PIP5K1B: variants seen among roughly 807,000 people sequenced by gnomAD.
The protein encoded by PIP5K1B is phosphatidylinositol-4-phosphate 5-kinase type 1 beta.
Under a neutral mutation model 67.0 loss-of-function variants are expected in PIP5K1B, and 42 were observed. The ratio of observed to expected loss-of-function variants is 0.63; its 90% confidence interval spans 0.49 to 0.81. PIP5K1B has a LOEUF of 0.81. Among genes scored for constraint, PIP5K1B ranks in the 30% least tolerant of loss-of-function variants. The probability of loss-of-function intolerance (pLI) is 0.00; values close to 1 mark genes in which losing one functional copy is unlikely to be tolerated. For synonymous variants in PIP5K1B, 214 were observed against 231.4 expected (o/e 0.92, Z 0.68); for missense variants, 459 against 646.3 (o/e 0.71, Z 3.14).
rs36028796 is a variant in PIP5K1B, at chr9:68,767,593, TA to T, written c.-86+24956del. Among the ~76,000 whole-genome samples, 551 of 128,382 alleles carry T rather than the reference TA, an allele frequency of 4.3e-3. 3 individuals carry two copies. The highest frequency in any genetic ancestry group is 0.012 in the African/African-American group (412 of 34,126). The allele number at this position is 128,382 out of a possible 152,430, so 84.2% of individuals were successfully genotyped here. ...TGGGTGACAGAGCAAGACTCTGTCT[TA>T]AAAAAAAAAAAAAAAAAAAGAAAAA... On this transcript the variant is annotated intron_variant, in intron 2 of 15. Coordinates refer to ENST00000265382, the MANE Select transcript of PIP5K1B (RefSeq NM_003558.4).
At chr9:68,716,967 C>G (rs1010525598) in intron 1 of PIP5K1B, among the ~76,000 whole-genome samples, 1 of 152,154 alleles carries the variant, frequency 6.6e-6, no homozygotes, top group African/African-American at 2.4e-5. Context: ...GGCCGTTATC[C>G]TAAGCAAATT....
At chr9:68,790,927 A>T (rs2132496822) in intron 2 of PIP5K1B, among the ~76,000 whole-genome samples, 1 of 152,306 alleles carries the variant, frequency 6.6e-6, no homozygotes, top group South Asian at 2.1e-4. Context: ...AATTTCTAGA[A>T]TAAATACTCG....
chr9:68,824,165 A>G (rs1833867949), intron 4 of PIP5K1B: 1 of 518,942 alleles, frequency 1.9e-6, no homozygotes, highest in African/African-American at 1.9e-5. Context: ...AGCATGGACC[A>G]ACACAGAGAT....
In PIP5K1B at chr9:68,820,819, G is replaced by A. The variant is rs558867296; in HGVS notation, c.1-1796G>A. Among the ~76,000 whole-genome samples, 111 of 152,166 alleles carry A rather than the reference G, an allele frequency of 7.3e-4. 1 individual carries two copies. The highest frequency in any genetic ancestry group is 1.3e-3 in the Non-Finnish European group (88 of 68,028). ...AATTCAGATGAATTATAGGTCACAT[G>A]TGAAAATCTTATCATTAGGAAGAGA... On this transcript the variant is annotated intron_variant, in intron 3 of 15. Transcript: ENST00000265382.
At chr9:68,789,700 A>G (rs551706090) in intron 2 of PIP5K1B, 1 of 274,112 alleles carries the variant, frequency 3.6e-6, no homozygotes, top group African/African-American at 2.3e-5. Context: ...GTGAGAAAGG[A>G]AAGCCTTTTT....
chr9:68,887,194 C>T (rs1824520435), intron 6 of PIP5K1B, among the ~76,000 whole-genome samples: 1 of 152,218 alleles, frequency 6.6e-6, no homozygotes, highest in South Asian at 2.1e-4. Context: ...ACTGCACTTA[C>T]CACTTTCTGA....
At chr9:68,780,568 A>T (rs1400505996) in intron 2 of PIP5K1B, 1 of 1,614,196 alleles carries the variant, frequency 6.2e-7, no homozygotes, top group South Asian at 1.1e-5. Flanking sequence ...GCCTCCCCCA[A>T]GCGCATCGAT....
chr9:68,734,159 G>A (rs948968000), intron 1 of PIP5K1B, among the ~76,000 whole-genome samples: 1 of 152,170 alleles, frequency 6.6e-6, no homozygotes, highest in Non-Finnish European at 1.5e-5. Context: ...AAAACTCAAT[G>A]TTAAGTACTC....
chr9:69,003,449 C>T (rs987316536), intron 15 of PIP5K1B, among the ~76,000 whole-genome samples: 3 of 143,914 alleles, frequency 2.1e-5, no homozygotes, highest in African/African-American at 7.9e-5. Context: ...AGGACTGAAA[C>T]CTGAGGTAAT....
At chr9:68,952,723 C>CAATT (rs2132696317) in intron 14 of PIP5K1B, among the ~76,000 whole-genome samples, 1 of 151,876 alleles carries the variant, frequency 6.6e-6, no homozygotes, top group Admixed American at 6.6e-5. Context: ...TTCTAGTTTC[C>CAATT]AATTACCATT....
chr9:68,915,313 T>A (rs1308112331), intron 8 of PIP5K1B, among the ~76,000 whole-genome samples: 1 of 152,080 alleles, frequency 6.6e-6, no homozygotes, highest in Non-Finnish European at 1.5e-5. Context: ...TGTGAAGAGT[T>A]GTTGAAGCTG....
chr9:68,940,595 G>T (rs1827507739), intron 13 of PIP5K1B, 51 bp from the exon 14 acceptor site: 1 of 1,563,052 alleles, frequency 6.4e-7, no homozygotes, highest in Non-Finnish European at 8.8e-7. Flanking sequence ...AGATACTAAA[G>T]CTGCATTTAT....
At chr9:68,953,259 G>A (rs1007518400) in intron 14 of PIP5K1B, among the ~76,000 whole-genome samples, 65 of 151,908 alleles carry the variant, frequency 4.3e-4, no homozygotes, top group African/African-American at 1.4e-3. Flanking sequence ...TGTTTTATAA[G>A]AATTCTTTTT....
chr9:68,931,459 A>C (rs1826994608), intron 12 of PIP5K1B, among the ~76,000 whole-genome samples: 1 of 152,220 alleles, frequency 6.6e-6, no homozygotes, highest in Non-Finnish European at 1.5e-5. Flanking sequence ...TGAGCCGGAG[A>C]TTGAAACATG....
intron 2 of PIP5K1B, among the ~76,000 whole-genome samples, chr9:68,803,076 A>G (rs1257882519): frequency 2.0e-5 from 3 of 152,120 alleles, no homozygotes; most frequent in East Asian, 3.8e-4. Context: ...CATCAAGGAG[A>G]TTGATTGGAA....
chr9:68,844,553 A>G (rs1014655037), intron 4 of PIP5K1B, among the ~76,000 whole-genome samples: 2 of 151,960 alleles, frequency 1.3e-5, no homozygotes, highest in African/African-American at 4.8e-5. Flanking sequence ...CAGCCCAGAA[A>G]GATGTCCGAG....
Position 68,802,855 on chromosome 9 carries a change from G to A in PIP5K1B, c.-85-15606G>A, listed in dbSNP as rs969451233. Among the ~76,000 whole-genome samples, 3 of 152,186 alleles carry A rather than the reference G, an allele frequency of 2.0e-5. No homozygotes were observed. In the East Asian group the frequency reaches 5.8e-4, roughly 29 times the overall value. The stretch of plus-strand genomic sequence containing the variant: ...CATACGCTGTGCCAAAACCTCTGAG[G>A]TTTGCCCTGAAGCAGTGGGAAGCCC... On this transcript the variant is annotated intron_variant, in intron 2 of 15. Coordinates refer to ENST00000265382, the MANE Select transcript of PIP5K1B (RefSeq NM_003558.4).
At chr9:68,866,430 C>G (rs1194863217) in intron 5 of PIP5K1B, among the ~76,000 whole-genome samples, 1 of 151,506 alleles carries the variant, frequency 6.6e-6, no homozygotes, top group Non-Finnish European at 1.5e-5. Flanking sequence ...TACATATACA[C>G]TCATATAATA....
At chr9:68,967,748 G>A (rs754998137) in intron 14 of PIP5K1B, among the ~76,000 whole-genome samples, 2 of 152,084 alleles carry the variant, frequency 1.3e-5, no homozygotes, top group Non-Finnish European at 2.9e-5. Context: ...TCTTCCTCTG[G>A]GAAGCCTGAG....
Sources: gnomAD v4.1 joint callset for allele counts (sites outside exome capture counted in the v4.1 genomes callset) on GRCh38, gnomAD v4.1.1 for gene constraint, MANE v1.5 for transcripts, NCBI Gene and HGNC (gene_info 2026-07-23, HGNC 2026-07-21) for gene names.